Variants in PCDHA7 observed in about 807,000 individuals in gnomAD.
PCDHA7 encodes protocadherin alpha-7.
In PCDHA7, 37 loss-of-function variants were observed where a neutral mutation model predicts 57.2. That is an observed-to-expected ratio of 0.65 (90% CI 0.50 to 0.85). The LOEUF is 0.85. Ranked by LOEUF, PCDHA7 falls within the 40% of genes least tolerant of loss-of-function variation. The pLI is 0.00. For missense variants in PCDHA7, 1,188 were observed against 1,241.8 expected (o/e 0.96, Z 0.65); for synonymous variants, 553 against 558.8 (o/e 0.99, Z 0.15).
intron 1 of PCDHA7, among the ~76,000 whole-genome samples, chr5:140,918,244 T>A (rs1554198493): frequency 6.6e-6 from 1 of 152,236 alleles, no homozygotes; most frequent in Non-Finnish European, 1.5e-5. Context: ...TGATTTTGTA[T>A]GCTGAAACTT....
intron 1 of PCDHA7, among the ~76,000 whole-genome samples, chr5:140,911,737 G>A (rs187858302): frequency 3.4e-4 from 51 of 152,238 alleles, no homozygotes; most frequent in African/African-American, 9.9e-4. Flanking sequence ...TTCGTGCCAA[G>A]GACTATCAGT....
chr5:140,908,967 G>A (rs1039870615), intron 1 of PCDHA7, among the ~76,000 whole-genome samples: 10 of 152,076 alleles, frequency 6.6e-5, no homozygotes, highest in African/African-American at 2.4e-4. Context: ...ATCTTGATAG[G>A]CCCCACTCCA....
At position 140,863,585 on chromosome 5, in the gene PCDHA7, A is replaced by G. The variant is rs1365017699; in HGVS notation, c.2355+26847A>G. ...GAGAATATAAGTACTGTAATCCTGG[A>G]AAGTATTTCATTCCTATTAATGTCC... On this transcript the variant is annotated intron_variant, in intron 1 of 3. Coordinates refer to ENST00000525929, the MANE Select transcript of PCDHA7 (RefSeq NM_018910.3). The G allele has an allele frequency of 3.6e-5, 13 of 361,228 alleles. No homozygotes were observed. The East Asian group carries it at 7.6e-4, about 21-fold the overall frequency. The allele number at this position is 361,228 out of a possible 1,614,324, so 22.4% of individuals were successfully genotyped here.
chr5:140,870,198 C>A, intron 1 of PCDHA7: 2 of 1,614,172 alleles, frequency 1.2e-6, no homozygotes, highest in Non-Finnish European at 1.7e-6. Flanking sequence ...CTCAGCCCAG[C>A]ACGGTCATTG....
intron 2 of PCDHA7, among the ~76,000 whole-genome samples, chr5:140,980,712 T>G (rs4404731): frequency 0.013 from 1,940 of 152,272 alleles, 50 homozygotes; most frequent in African/African-American, 0.045. Context: ...GTGCTCCTAT[T>G]CGGGTTTCAA....
intron 1 of PCDHA7, among the ~76,000 whole-genome samples, chr5:140,915,080 G>T (rs1279074888): frequency 6.6e-6 from 1 of 151,664 alleles, no homozygotes; most frequent in Non-Finnish European, 1.5e-5. Context: ...TGAGTAGCTG[G>T]GACTATGGGC....
chr5:140,841,660 G>T (rs2150320374), intron 1 of PCDHA7: 29 of 1,614,122 alleles, frequency 1.8e-5, no homozygotes, highest in Non-Finnish European at 2.5e-5. Context: ...TGGACAGGCC[G>T]CTGCAGGTTT....
chr5:140,966,750 C>A, intron 1 of PCDHA7: 1 of 1,428,438 alleles, frequency 7.0e-7, no homozygotes, highest in South Asian at 1.5e-5. Flanking sequence ...CGGCTGCCTC[C>A]GCCGCGGCCA....
chr5:140,899,936 T>G (rs1443562291), intron 1 of PCDHA7, among the ~76,000 whole-genome samples: 1 of 152,064 alleles, frequency 6.6e-6, no homozygotes, highest in Non-Finnish European at 1.5e-5. Flanking sequence ...GCCTCCTGAA[T>G]AGCTGGGACC....
At chr5:140,933,047 A>G (rs1482395906) in intron 1 of PCDHA7, among the ~76,000 whole-genome samples, 2 of 152,030 alleles carry the variant, frequency 1.3e-5, no homozygotes, top group Non-Finnish European at 1.5e-5. Flanking sequence ...TATGGATTAC[A>G]GTCCAGGATC....
chr5:140,892,069 A>G (rs1554185062), intron 1 of PCDHA7, among the ~76,000 whole-genome samples: 3 of 152,208 alleles, frequency 2.0e-5, no homozygotes, highest in Non-Finnish European at 2.9e-5. Flanking sequence ...GTTACTTTGT[A>G]TAATTTCTAG....
chr5:140,857,164 C>A (rs782269515), intron 1 of PCDHA7: 3 of 1,598,230 alleles, frequency 1.9e-6, no homozygotes, highest in South Asian at 1.1e-5. Context: ...CCCTAATCAG[C>A]GTTTCTGACC....
At chr5:140,968,086 A>G (rs2096217656) in intron 1 of PCDHA7, 1 of 1,614,058 alleles carries the variant, frequency 6.2e-7, no homozygotes, top group African/African-American at 1.3e-5. Context: ...TCACGGTGAC[A>G]GCCACAGATG....
intron 1 of PCDHA7, chr5:140,859,021 T>C (rs537770888): frequency 6.6e-6 from 1 of 151,436 alleles, no homozygotes; most frequent in Admixed American, 6.6e-5. Context: ...GCAATTAAGT[T>C]AAATGCTTTG....
At position 140,957,153 on chromosome 5, in the gene PCDHA7, A is replaced by G. The variant is rs988889035; in HGVS notation, c.2356-21796A>G. Among the ~76,000 whole-genome samples, 121 of 152,268 alleles carry G rather than the reference A, an allele frequency of 7.9e-4. 1 individual carries two copies. Among genetic ancestry groups the G allele is most frequent in the East Asian group, 3.9e-4 (2 of 5,186 alleles). On this transcript the variant is annotated intron_variant, in intron 1 of 3. Transcript: ENST00000525929. Reference sequence around the variant, plus strand: ...ACACTATGAACTAAAAATTTTGGAGACAAATCTAAGTATATAAATTGGTTT... The same window carrying G: ...ACACTATGAACTAAAAATTTTGGAGGCAAATCTAAGTATATAAATTGGTTT...
Position 140,834,956 on chromosome 5 carries a change from T to G in PCDHA7, c.573T>G (p.Pro191=), listed in dbSNP as rs2150229347. The G allele has an allele frequency of 1.3e-6, 2 of 1,534,454 alleles. No homozygotes were observed. Among genetic ancestry groups the G allele is most frequent in the African/African-American group, 1.5e-5 (1 of 68,240 alleles). ...CAACCAGCAACCAGCAGGTAAAACC[T>G]CTTGGACTTGTATTACGGAAACTTT... The part of the protein sequence containing the change: ...DVPTSNQQVK[P]LGLVLRKLLD... Residue 191 remains proline (P), a synonymous_variant, in exon 1 of 4, where the codon CCT becomes CCG. Transcript: ENST00000525929.
chr5:140,913,117 GT>G (rs1393810466), intron 1 of PCDHA7, among the ~76,000 whole-genome samples: 23 of 152,262 alleles, frequency 1.5e-4, no homozygotes, highest in Admixed American at 5.2e-4. Flanking sequence ...CAGTTTGGAA[GT>G]TAACCCCTCC....
chr5:140,914,785 C>G (rs2153531678), intron 1 of PCDHA7, among the ~76,000 whole-genome samples: 1 of 151,672 alleles, frequency 6.6e-6, no homozygotes, highest in Non-Finnish European at 1.5e-5. Context: ...ATCTTATGAC[C>G]CATTATTTTA....
intron 1 of PCDHA7, among the ~76,000 whole-genome samples, chr5:140,932,017 G>GT (rs1385498128): frequency 2.6e-5 from 4 of 151,792 alleles, no homozygotes; most frequent in African/African-American, 9.7e-5. Context: ...TTAGTTTACG[G>GT]TAAGTTTACA....
Sources: gnomAD v4.1 joint callset for allele counts (sites outside exome capture counted in the v4.1 genomes callset) on GRCh38, gnomAD v4.1.1 for gene constraint, MANE v1.5 for transcripts, NCBI Gene and HGNC (gene_info 2026-07-23, HGNC 2026-07-21) for gene names.